CFAP74: variants seen among roughly 807,000 people sequenced by gnomAD.
CFAP74 encodes cilia and flagella associated protein 74.
CFAP74 carries 124 observed loss-of-function variants against 188.9 expected under a neutral mutation model. The observed-to-expected ratio is 0.66, with a 90% CI of 0.57 to 0.76. CFAP74 has a LOEUF of 0.76. Ranked by LOEUF, CFAP74 falls within the 30% of genes least tolerant of loss-of-function variation. The pLI is 0.00. For synonymous variants in CFAP74, 956 were observed against 916.7 expected (o/e 1.04, Z -0.77); for missense variants, 2,198 against 2,165.2 (o/e 1.02, Z -0.30).
At chr1:1,971,129 G>A (rs1004367873) in intron 9 of CFAP74, among the ~76,000 whole-genome samples, 1 of 139,496 alleles carries the variant, frequency 7.2e-6, no homozygotes, top group Non-Finnish European at 1.5e-5. Context: ...GCTCACACGT[G>A]CACACACATG....
intron 1 of CFAP74, among the ~76,000 whole-genome samples, chr1:1,992,238 T>C (rs1307814957): frequency 1.3e-5 from 2 of 151,632 alleles, no homozygotes; most frequent in African/African-American, 4.8e-5. Context: ...AATCACAGTT[T>C]ACTACAGCCT....
At chr1:1,964,015 G>A (rs1655287513) in intron 13 of CFAP74, 148 bp from the exon 14 acceptor site, 1 of 669,182 alleles carries the variant, frequency 1.5e-6, no homozygotes, top group South Asian at 1.6e-5. Flanking sequence ...GTTTCTCCCA[G>A]AATCGAGAAG....
intron 18 of CFAP74, among the ~76,000 whole-genome samples, chr1:1,950,559 C>T (rs1654144431): frequency 1.3e-5 from 2 of 152,116 alleles, no homozygotes; most frequent in African/African-American, 2.4e-5. Flanking sequence ...AGGCTGGTCT[C>T]AAACTCCTGA....
intron 18 of CFAP74, chr1:1,953,952 G>T (rs1266453924): frequency 6.6e-6 from 1 of 152,262 alleles, no homozygotes; most frequent in Non-Finnish European, 1.5e-5. Context: ...ACATTCCTCA[G>T]GGAGGAGGGC....
chr1:1,967,270 C>T (rs1344235989), intron 11 of CFAP74, among the ~76,000 whole-genome samples: 2 of 152,182 alleles, frequency 1.3e-5, no homozygotes, highest in Admixed American at 6.5e-5. Flanking sequence ...CTGTCCCAGG[C>T]CTGCTGGAGA....
At chr1:1,948,519 T>C (rs2474456) in intron 18 of CFAP74, among the ~76,000 whole-genome samples, 61,216 of 150,148 alleles carry the variant, frequency 0.41, 14,410 homozygotes, top group Admixed American at 0.53. Context: ...GTTGGCCCTC[T>C]AAAGTATTGG....
rs1489661583 is a variant in CFAP74, at chr1:1,927,055, C to A, written c.3528-27G>T. On this transcript the variant is annotated intron_variant, in intron 28 of 38. Transcript: ENST00000682832. ...TAGAAGGAAGTCAGAGGCTTGCGCT[C>A]CCGCCTTGCCCCCACCCACCATCGG... The A allele has an allele frequency of 5.2e-6, 8 of 1,549,562 alleles. No homozygotes were observed. The African/African-American group carries it at 6.8e-5, about 13-fold the overall frequency.
At chr1:1,972,198 A>C in intron 8 of CFAP74, 116 bp from the exon 9 acceptor site, 2 of 751,598 alleles carry the variant, frequency 2.7e-6, no homozygotes, top group Non-Finnish European at 4.6e-6. Flanking sequence ...CTCCTGTCTC[A>C]GCCTCCCAAA....
chr1:1,956,562 G>A (rs1390744248), intron 17 of CFAP74, 58 bp downstream of exon 17: 1 of 1,601,930 alleles, frequency 6.2e-7, no homozygotes, highest in African/African-American at 1.3e-5. Flanking sequence ...TCACCCACAT[G>A]GGACTGGATT....
In CFAP74 at chr1:1,923,379, T is replaced by TG; in HGVS notation, c.4509dup (p.Arg1504GlnfsTer17). On this transcript the variant is annotated frameshift_variant, in exon 36 of 39. Transcript: ENST00000682832. LOFTEE classifies it high-confidence loss of function. The surrounding 1 kb of genome is among the most constrained non-coding windows in gnomAD (Gnocchi z 6.3). ...GGGAGGGGCTCACCCTCTCTGTGCC[T>TG]GGGGTCAAATACAGGGATCGCTGTC... is the stretch of plus-strand genomic sequence containing the variant. The TG allele has an allele frequency of 6.3e-7, 1 of 1,577,552 alleles. No homozygotes were observed. Among genetic ancestry groups the TG allele is most frequent in the Non-Finnish European group, 8.6e-7 (1 of 1,162,374 alleles).
At chr1:1,999,350 C>T (rs1194977496) in intron 1 of CFAP74, among the ~76,000 whole-genome samples, 2 of 152,168 alleles carry the variant, frequency 1.3e-5, no homozygotes, top group East Asian at 3.9e-4. Flanking sequence ...ATCAGTCTCA[C>T]GTGGATTAAA....
At chr1:1,969,854 A>C (rs1414502354) in intron 10 of CFAP74, among the ~76,000 whole-genome samples, 1 of 152,226 alleles carries the variant, frequency 6.6e-6, no homozygotes, top group East Asian at 1.9e-4. Context: ...GGCAGATCCT[A>C]AGCAGTGATT....
At position 1,928,843 on chromosome 1, in the gene CFAP74, C is replaced by T. The variant is rs185917678; in HGVS notation, c.3328G>A (p.Glu1110Lys). 928 of 1,535,662 alleles carry T rather than the reference C, an allele frequency of 6.0e-4. No individual in the cohort carries two copies. Among genetic ancestry groups the T allele is most frequent in the Non-Finnish European group, 7.5e-4 (855 of 1,146,714 alleles). Reference sequence around the variant, plus strand: ...AGGGCTTCCTGGCGGATCAGCTTCTCGGGCAGCACTGGCCGGAAGGCCACC... The same window carrying T: ...AGGGCTTCCTGGCGGATCAGCTTCTTGGGCAGCACTGGCCGGAAGGCCACC... ...VQVAFRPVLP[E>K]KLIRQEALPL... Residue 1110 changes from glutamate to lysine, a missense_variant, in exon 27 of 39, where the codon GAG becomes AAG. By Grantham distance (56) the Glu-to-Lys change is moderately conservative. Coordinates refer to ENST00000682832, the MANE Select transcript of CFAP74 (RefSeq NM_001304360.2).
At chr1:1,991,989 G>A (rs1304778875) in intron 1 of CFAP74, among the ~76,000 whole-genome samples, 7 of 151,218 alleles carry the variant, frequency 4.6e-5, no homozygotes, top group African/African-American at 7.3e-5. Flanking sequence ...GCAGTGAGCC[G>A]AGATCGCGCC....
chr1:1,963,714 C>A, intron 14 of CFAP74, 35 bp downstream of exon 14: 1 of 1,385,096 alleles, frequency 7.2e-7, no homozygotes, highest in Non-Finnish European at 1.0e-6. Flanking sequence ...GCTGTCCCTG[C>A]ACCGCGTCCC....
chr1:1,932,112 G>T (rs1652453592), intron 25 of CFAP74, among the ~76,000 whole-genome samples: 2 of 134,770 alleles, frequency 1.5e-5, no homozygotes. Flanking sequence ...TTAGAAAAAT[G>T]TAGGCCGGGC....
rs1431930088 is a variant in CFAP74, at chr1:1,927,633, C to T, written c.3501G>A (p.Glu1167=). The part of the protein sequence containing the change: ...LFKVSVPHVL[E]MRKRELRPSS... ...TGGGCCTCAGCTCCCGCTTCCGCAT[C>T]TCCAGGACGTGGGGGACAGAGACTT... The change falls in exon 28 of 39, where the codon GAG becomes GAA. Residue 1167 remains glutamate, a synonymous_variant. Transcript: ENST00000682832. 6.5e-7 allele frequency: 1 copy of T among 1,550,126 alleles called. No individual in the cohort carries two copies. The highest frequency in any genetic ancestry group is 8.7e-7 in the Non-Finnish European group (1 of 1,146,818).
chr1:2,000,484 C>T (rs1287803799), intron 1 of CFAP74, among the ~76,000 whole-genome samples: 4 of 152,150 alleles, frequency 2.6e-5, no homozygotes, highest in Non-Finnish European at 4.4e-5. Context: ...GTTAGCTTCC[C>T]GGGGTCGCCA....
intron 18 of CFAP74, among the ~76,000 whole-genome samples, chr1:1,952,663 A>ATTTT (rs576484834): frequency 6.8e-6 from 1 of 147,776 alleles, no homozygotes; most frequent in African/African-American, 2.5e-5. Flanking sequence ...ACAAGACTCA[A>ATTTT]TTTTTTTTTT....
Sources: gnomAD v4.1 joint callset for allele counts (sites outside exome capture counted in the v4.1 genomes callset) on GRCh38, gnomAD v4.1.1 for gene constraint, Gnocchi (gnomAD v3.1) non-coding constraint, MANE v1.5 for transcripts, NCBI Gene and HGNC (gene_info 2026-07-23, HGNC 2026-07-21) for gene names.